Variants in PITPNM3 observed in about 807,000 individuals in gnomAD.
The protein encoded by PITPNM3 is membrane-associated phosphatidylinositol transfer protein 3.
A neutral mutation model predicts 102.0 loss-of-function variants in PITPNM3; 26 were observed. That is an observed-to-expected ratio of 0.25 (90% CI 0.19 to 0.35). PITPNM3 has a LOEUF of 0.35. PITPNM3 is among the 10% of genes least tolerant of loss of function. The pLI is 1.00. For synonymous variants in PITPNM3, 578 were observed against 558.6 expected (o/e 1.03, Z -0.49); for missense variants, 1,083 against 1,346.1 (o/e 0.80, Z 3.06).
In PITPNM3 at chr17:6,457,524, T is replaced by C; in HGVS notation, c.2619+70A>G. ...CAAATGAATGAATGAATGAATGAAGTGCTTACTCCCTCTATCCCTTTCCCT... is the reference window on the plus strand; with the variant it reads ...CAAATGAATGAATGAATGAATGAAGCGCTTACTCCCTCTATCCCTTTCCCT... On this transcript the variant is annotated intron_variant, in intron 19 of 19. Transcript: ENST00000262483. The surrounding 1 kb of genome is among the most constrained non-coding windows in gnomAD (Gnocchi z 4.7). 2 of 1,598,696 alleles carry C rather than the reference T, an allele frequency of 1.3e-6. No homozygotes were observed. Among genetic ancestry groups the C allele is most frequent in the Non-Finnish European group, 8.6e-7 (1 of 1,169,580 alleles).
rs770177592 is a variant in PITPNM3 at position 6,455,470 on chromosome 17, C to G, written c.2793G>C (p.Gln931His). 2.5e-6 allele frequency: 4 copies of G among 1,604,886 alleles called. No individual in the cohort carries two copies. Among genetic ancestry groups the G allele is most frequent in the Non-Finnish European group, 2.5e-6 (3 of 1,179,476 alleles). The change falls in exon 20 of 20, where the codon CAG becomes CAC. Residue 931 changes from glutamine to histidine, a missense_variant. Gln to His is a conservative substitution (Grantham distance 24). Coordinates refer to ENST00000262483, the MANE Select transcript of PITPNM3 (RefSeq NM_031220.4). ...TGGGGTTGGCGGCGGGCGGGTCGGG[C>G]TGCTGCACTGACATGGTTCTGCGCA... The part of the protein sequence containing the change: ...NHLRRTMSVQ[Q>H]PDPPAANPKP...
At chr17:6,473,332 T>C in intron 10 of PITPNM3, 1 of 229,568 alleles carries the variant, frequency 4.4e-6, no homozygotes, top group Admixed American at 5.2e-5. Context: ...GACCAGCAGG[T>C]GTCTCCACTG....
chr17:6,535,217 G>T (rs1188238906), intron 2 of PITPNM3, among the ~76,000 whole-genome samples: 1 of 151,938 alleles, frequency 6.6e-6, no homozygotes, highest in Non-Finnish European at 1.5e-5. Context: ...CAGGGTCAGG[G>T]TTCAGCCTGG....
At chr17:6,538,259 A>G (rs139845162) in intron 1 of PITPNM3, among the ~76,000 whole-genome samples, 177 bp from the exon 2 acceptor site, 157 of 152,300 alleles carry the variant, frequency 1.0e-3, no homozygotes, top group African/African-American at 3.5e-3. Context: ...TTGAAGCTCA[A>G]AAACCTCTCT....
intron 1 of PITPNM3, among the ~76,000 whole-genome samples, chr17:6,546,872 G>A (rs1910046466): frequency 6.6e-6 from 1 of 152,190 alleles, no homozygotes; most frequent in Non-Finnish European, 1.5e-5. Context: ...CAGGCATGGT[G>A]GCACATGCCT....
At chr17:6,502,471 G>A (rs1026520524) in intron 4 of PITPNM3, among the ~76,000 whole-genome samples, 1 of 152,108 alleles carries the variant, frequency 6.6e-6, no homozygotes, top group Non-Finnish European at 1.5e-5. Context: ...AAAAAAAAGA[G>A]AAAGATTCTC....
rs374206848 is a variant in PITPNM3 at position 6,455,572 on chromosome 17, G to A, written c.2691C>T (p.Asn897=). The part of the protein sequence containing the change: ...EASHRSRPKK[N]NSRMILRKGS... ...CCTTGCGCAGGATCATGCGCGAGTTGTTCTTCTTTGGGCGTGAGCGGTGGC... is the reference window on the plus strand; with the variant it reads ...CCTTGCGCAGGATCATGCGCGAGTTATTCTTCTTTGGGCGTGAGCGGTGGC... The change falls in exon 20 of 20, where the codon AAC becomes AAT. Residue 897 remains asparagine, a synonymous_variant. Coordinates refer to ENST00000262483, the MANE Select transcript of PITPNM3 (RefSeq NM_031220.4). 4.4e-6 allele frequency: 7 copies of A among 1,600,344 alleles called. No individual in the cohort carries two copies. Among genetic ancestry groups the A allele is most frequent in the Non-Finnish European group, 5.9e-6 (7 of 1,179,168 alleles).
intron 2 of PITPNM3, among the ~76,000 whole-genome samples, chr17:6,528,437 TATGTGTGTGTGCACGTGTGCACGTGC>T (rs1239637360): frequency 3.3e-5 from 5 of 152,124 alleles, no homozygotes. Flanking sequence ...TCTCTCTTGC[TATGTGTGTGTGCACGTGTGCACGTGC>T]ATGTGTGTGT....
At chr17:6,528,540 TGA>T (rs1555560141) in intron 2 of PITPNM3, among the ~76,000 whole-genome samples, 2 of 151,700 alleles carry the variant, frequency 1.3e-5, no homozygotes, top group Non-Finnish European at 1.5e-5. Context: ...TACATGCAAG[TGA>T]GTGTGTACAT....
Position 6,517,847 on chromosome 17 carries a change from A to T in PITPNM3, c.226+7509T>A, listed in dbSNP as rs1444071055. Reference sequence around the variant, plus strand: ...AGTATTGGGATTACAGGCATGAGCCACTGTACCTGGCCAAAAATACCAGTT... The same window carrying T: ...AGTATTGGGATTACAGGCATGAGCCTCTGTACCTGGCCAAAAATACCAGTT... On this transcript the variant is annotated intron_variant, in intron 3 of 19. Transcript: ENST00000262483. This position sits in a 1 kb window ranked among gnomAD's most constrained non-coding sequence, Gnocchi z 4.1. 6.6e-6 allele frequency among the ~76,000 whole-genome samples: 1 copy of T among 152,188 alleles called. No individual in the cohort carries two copies. Among genetic ancestry groups the T allele is most frequent in the African/African-American group, 2.4e-5 (1 of 41,446 alleles).
chr17:6,521,582 G>C (rs1014983575), intron 3 of PITPNM3, among the ~76,000 whole-genome samples: 1 of 151,510 alleles, frequency 6.6e-6, no homozygotes, highest in Non-Finnish European at 1.5e-5. Context: ...ACGCTTCTGG[G>C]TGTTCAGCTG....
At chr17:6,482,665 G>C (rs112114568) in intron 6 of PITPNM3, among the ~76,000 whole-genome samples, 5 of 152,264 alleles carry the variant, frequency 3.3e-5, no homozygotes, top group African/African-American at 9.6e-5. Context: ...CTCTCACCCC[G>C]TGGGATCTGA....
At chr17:6,485,199 C>T (rs1247640092) in intron 4 of PITPNM3, among the ~76,000 whole-genome samples, 2 of 149,686 alleles carry the variant, frequency 1.3e-5, no homozygotes, top group African/African-American at 2.5e-5. Context: ...ACTCTTGTTG[C>T]CCAGGCTGGA....
In PITPNM3 at chr17:6,556,331, C is replaced by T. The variant is rs1470276122; in HGVS notation, c.22+54G>A. 1 of 1,382,412 alleles carries T rather than the reference C, an allele frequency of 7.2e-7. No homozygotes were observed. Among genetic ancestry groups the T allele is most frequent in the South Asian group, 1.5e-5 (1 of 67,996 alleles). The allele number at this position is 1,382,412 out of a possible 1,614,324, so 85.6% of individuals were successfully genotyped here. A position where few individuals can be genotyped will look rare whatever the true frequency, so the allele number is the denominator to read the frequency against. The stretch of plus-strand genomic sequence containing the variant: ...CTGGGCCGGCGGCCCCTCCTCTAGA[C>T]GCGCGAGTCCCTCCCCCGGGCCCCG... On this transcript the variant is annotated intron_variant, in intron 1 of 19. Coordinates refer to ENST00000262483, the MANE Select transcript of PITPNM3 (RefSeq NM_031220.4). This position sits in a 1 kb window ranked among gnomAD's most constrained non-coding sequence, Gnocchi z 5.2.
intron 4 of PITPNM3, among the ~76,000 whole-genome samples, chr17:6,499,721 TTTA>T (rs1907057390): frequency 6.6e-6 from 1 of 151,916 alleles, no homozygotes; most frequent in Non-Finnish European, 1.5e-5. Flanking sequence ...TATTTATTTA[TTTA>T]TTTATTTATA....
intron 18 of PITPNM3, chr17:6,460,654 T>C (rs1904394039): frequency 6.6e-6 from 1 of 152,440 alleles, no homozygotes; most frequent in Non-Finnish European, 1.5e-5. Context: ...TTGATTATTC[T>C]CTCCATCCAT....
rs1905343877 is a variant in PITPNM3, at chr17:6,477,071, T to C, written c.1043A>G (p.Tyr348Cys). Residue 348 changes from tyrosine (Y) to cysteine (C), a missense_variant, in exon 9 of 20, where the codon TAT becomes TGT. Tyr to Cys is a radical substitution (Grantham distance 194). Transcript: ENST00000262483. ...LPRKQSDSST[Y>C]DCEAITQHHA... ...GTGCTGGGTGATGGCCTCGCAGTCA[T>C]AGGTGGAGGAGTCGCTCTGTTTCCG... The C allele has an allele frequency of 6.2e-7, 1 of 1,614,148 alleles. No homozygotes were observed. The highest frequency in any genetic ancestry group is 1.1e-5 in the South Asian group (1 of 91,070).
rs75108397 is a variant in PITPNM3 at position 6,518,051 on chromosome 17, T to G, written c.226+7305A>C. Among the ~76,000 whole-genome samples the G allele has an allele frequency of 6.3e-3, 954 of 152,332 alleles. 16 individuals are homozygous for G. Among genetic ancestry groups the G allele is most frequent in the African/African-American group, 0.022 (900 of 41,576 alleles). On this transcript the variant is annotated intron_variant, in intron 3 of 19. Coordinates refer to ENST00000262483, the MANE Select transcript of PITPNM3 (RefSeq NM_031220.4). ...TACAGTATATAGATAATGTATATAT[T>G]TTTTAACTCATAAGGAACATTCACA...
chr17:6,476,892 G>A (rs1043555974), intron 9 of PITPNM3, 137 bp downstream of exon 9: 20 of 1,089,510 alleles, frequency 1.8e-5, no homozygotes, highest in Non-Finnish European at 2.1e-5. Context: ...CAGGGCCGAT[G>A]GCGAGTGGCC....
Sources: allele counts gnomAD v4.1 joint callset (sites outside exome capture counted in the v4.1 genomes callset), GRCh38; gene constraint gnomAD v4.1.1; non-coding constraint Gnocchi (gnomAD v3.1); transcripts MANE v1.5; gene names NCBI Gene and HGNC (gene_info 2026-07-23, HGNC 2026-07-21).